FSTL5: variants seen among roughly 807,000 people sequenced by gnomAD.
FSTL5 encodes the protein follistatin-related protein 5.
A neutral mutation model predicts 89.1 loss-of-function variants in FSTL5; 62 were observed. That is an observed-to-expected ratio of 0.70 (90% CI 0.57 to 0.86). FSTL5 has a LOEUF of 0.86. Ranked by LOEUF, FSTL5 falls within the 40% of genes least tolerant of loss-of-function variation. FSTL5 has a pLI of 0.00. For missense variants in FSTL5, 1,057 were observed against 1,001.6 expected, an observed-to-expected ratio of 1.06 and a Z score of -0.75; for synonymous variants, 383 against 346.2, an observed-to-expected ratio of 1.11 and a Z score of -1.18.
intron 7 of FSTL5, among the ~76,000 whole-genome samples, chr4:161,627,278 C>A (rs1735346067): frequency 1.3e-5 from 2 of 152,302 alleles, no homozygotes; most frequent in South Asian, 4.1e-4. Flanking sequence ...GCCATCAACA[C>A]TGAGGCAAGA....
intron 3 of FSTL5, among the ~76,000 whole-genome samples, chr4:162,005,746 C>T (rs969235301): frequency 6.6e-5 from 10 of 152,250 alleles, no homozygotes; most frequent in African/African-American, 2.4e-4. Context: ...TTTCTATACA[C>T]CATTCCATTT....
intron 6 of FSTL5, among the ~76,000 whole-genome samples, chr4:161,733,008 T>C (rs1405955468): frequency 1.3e-5 from 2 of 151,862 alleles, no homozygotes; most frequent in Non-Finnish European, 2.9e-5. Flanking sequence ...GTCAGAGCAT[T>C]GGTTTTTGCT....
chr4:161,744,529 A>C (rs777444478), intron 6 of FSTL5, among the ~76,000 whole-genome samples: 1 of 152,126 alleles, frequency 6.6e-6, no homozygotes, highest in Non-Finnish European at 1.5e-5. Flanking sequence ...ACCATATATA[A>C]ATATTCATAT....
At chr4:161,636,408 C>A (rs979256206) in intron 7 of FSTL5, among the ~76,000 whole-genome samples, 32 of 148,988 alleles carry the variant, frequency 2.1e-4, no homozygotes, top group Non-Finnish European at 4.0e-4. Context: ...CCCCTTCAAT[C>A]ATGTAAGAAG....
chr4:162,140,188 A>C (rs576463731), intron 1 of FSTL5, among the ~76,000 whole-genome samples: 1 of 152,286 alleles, frequency 6.6e-6, no homozygotes, highest in Admixed American at 6.5e-5. Flanking sequence ...GAGAATGTAA[A>C]TAGGCACAAT....
At chr4:161,434,233 C>A (rs1313227997) in intron 15 of FSTL5, among the ~76,000 whole-genome samples, 1 of 151,868 alleles carries the variant, frequency 6.6e-6, no homozygotes, top group African/African-American at 2.4e-5. Flanking sequence ...AATAGAGGAT[C>A]CAGAAACAAA....
At chr4:161,642,398 A>AT (rs1428281036) in intron 7 of FSTL5, among the ~76,000 whole-genome samples, 1 of 152,184 alleles carries the variant, frequency 6.6e-6, no homozygotes, top group East Asian at 1.9e-4. Flanking sequence ...CAAAAGACAA[A>AT]TATTGGCAAA....
rs79446105 is a variant in FSTL5, at chr4:161,458,761, C to T, written c.1716+451G>A. Among the ~76,000 whole-genome samples the T allele has an allele frequency of 8.5e-3, 1,296 of 152,236 alleles. 18 individuals carry two copies. Among genetic ancestry groups the T allele is most frequent in the African/African-American group, 0.03 (1,250 of 41,538 alleles). On this transcript the variant is annotated intron_variant, in intron 14 of 15. Coordinates refer to ENST00000306100, the MANE Select transcript of FSTL5 (RefSeq NM_020116.5). ...AGTTCTCACATAAACAACTTCAAGG[C>T]AGAGGCAAAATCCATAAGAATAACA... is the stretch of plus-strand genomic sequence containing the variant.
chr4:162,152,128 C>A (rs538021264), intron 1 of FSTL5, among the ~76,000 whole-genome samples: 2 of 152,124 alleles, frequency 1.3e-5, no homozygotes, highest in African/African-American at 4.8e-5. Flanking sequence ...TCGACTTTCT[C>A]AGGCCTCAGG....
At chr4:162,032,477 T>C (rs564335250) in intron 3 of FSTL5, 1 of 152,322 alleles carries the variant, frequency 6.6e-6, no homozygotes, top group South Asian at 2.1e-4. Flanking sequence ...CAGAAATAGT[T>C]TGGGAATCCC....
chr4:161,456,036 A>T (rs1733340508), intron 14 of FSTL5, among the ~76,000 whole-genome samples: 1 of 152,020 alleles, frequency 6.6e-6, no homozygotes, highest in African/African-American at 2.4e-5. Flanking sequence ...CTAAAGGGTA[A>T]TTTTTCTTCA....
intron 1 of FSTL5, among the ~76,000 whole-genome samples, chr4:162,115,157 C>T (rs1049123269): frequency 1.3e-5 from 2 of 152,092 alleles, no homozygotes; most frequent in African/African-American, 4.8e-5. Context: ...AGTTTCTGTG[C>T]TCCTCTTTTG....
chr4:161,860,828 A>G (rs1244933138), intron 4 of FSTL5, among the ~76,000 whole-genome samples: 1 of 151,990 alleles, frequency 6.6e-6, no homozygotes, highest in Non-Finnish European at 1.5e-5. Context: ...TAATACAAGT[A>G]CTCACCTCAT....
chr4:161,599,488 T>C (rs906127960), intron 7 of FSTL5, among the ~76,000 whole-genome samples: 1 of 152,102 alleles, frequency 6.6e-6, no homozygotes, highest in African/African-American at 2.4e-5. Flanking sequence ...ATTCTGGAAA[T>C]AACACCAAGT....
intron 4 of FSTL5, among the ~76,000 whole-genome samples, chr4:161,799,719 G>T (rs1232455806): frequency 6.6e-6 from 1 of 151,572 alleles, no homozygotes; most frequent in African/African-American, 2.4e-5. Flanking sequence ...TAAGACAACG[G>T]CTACATTTTC....
At chr4:161,525,652 A>T (rs574335538) in intron 10 of FSTL5, among the ~76,000 whole-genome samples, 11 of 152,204 alleles carry the variant, frequency 7.2e-5, no homozygotes, top group Non-Finnish European at 1.5e-5. Context: ...TGGGAATTCA[A>T]TGCGACTCTA....
intron 4 of FSTL5, among the ~76,000 whole-genome samples, chr4:161,840,830 C>T (rs1731187140): frequency 1.3e-5 from 2 of 152,092 alleles, no homozygotes; most frequent in South Asian, 4.1e-4. Flanking sequence ...GAGAAGCTGC[C>T]TTTTCGTCTG....
chr4:161,924,782 G>A (rs1378364674), intron 3 of FSTL5, among the ~76,000 whole-genome samples: 1 of 151,790 alleles, frequency 6.6e-6, no homozygotes, highest in African/African-American at 2.4e-5. Context: ...CAATAATAAA[G>A]AGGGAGGGAA....
At chr4:161,631,357 C>T (rs1735501294) in intron 7 of FSTL5, among the ~76,000 whole-genome samples, 2 of 152,290 alleles carry the variant, frequency 1.3e-5, no homozygotes, top group South Asian at 4.1e-4. Flanking sequence ...CACGGTCATG[C>T]CTGTAATCCT....
Sources: allele counts gnomAD v4.1 joint callset (sites outside exome capture counted in the v4.1 genomes callset), GRCh38; gene constraint gnomAD v4.1.1; transcripts MANE v1.5; gene names NCBI Gene and HGNC (gene_info 2026-07-23, HGNC 2026-07-21).